The following ITGBL1 variants were observed in gnomAD, a reference collection of about 807,000 sequenced individuals.
ITGBL1 encodes the protein integrin beta-like protein 1.
ITGBL1 carries 51 observed loss-of-function variants against 68.5 expected under a neutral mutation model. That is an observed-to-expected ratio of 0.74 (90% confidence interval 0.59 to 0.94). ITGBL1 has a LOEUF of 0.94. ITGBL1 is among the 40% of genes least tolerant of loss of function. ITGBL1 has a pLI of 0.00. For missense variants in ITGBL1, 649 were observed against 647.4 expected, an observed-to-expected ratio of 1.00 and a Z score of -0.03; for synonymous variants, 209 against 227.3, an observed-to-expected ratio of 0.92 and a Z score of 0.72.
intron 7 of ITGBL1, among the ~76,000 whole-genome samples, chr13:101,689,475 C>T (rs935239480): frequency 2.6e-5 from 4 of 151,746 alleles, no homozygotes; most frequent in East Asian, 2.0e-4. Context: ...TAGCCAGGCA[C>T]GTGCCTGTAG....
chr13:101,481,223 G>T (rs4614574), intron 2 of ITGBL1, among the ~76,000 whole-genome samples: 29,001 of 151,000 alleles, frequency 0.19, 3,339 homozygotes, highest in East Asian at 0.43. Context: ...CCCTTGGCAG[G>T]CAATGTGAGC....
chr13:101,564,565 A>G (rs2050151891), intron 2 of ITGBL1, among the ~76,000 whole-genome samples: 1 of 150,364 alleles, frequency 6.7e-6, no homozygotes, highest in Non-Finnish European at 1.5e-5. Context: ...AATATATAAC[A>G]ATTTATGTAC....
chr13:101,605,951 TAC>T (rs2030809372), intron 7 of ITGBL1, among the ~76,000 whole-genome samples: 3 of 148,194 alleles, frequency 2.0e-5, no homozygotes, highest in Admixed American at 1.4e-4. Flanking sequence ...TGTGTATATA[TAC>T]ACATATACAC....
chr13:101,494,360 T>G (rs966677541), intron 2 of ITGBL1, among the ~76,000 whole-genome samples: 2 of 152,234 alleles, frequency 1.3e-5, no homozygotes, highest in African/African-American at 2.4e-5. Flanking sequence ...ATTCCTTGAT[T>G]AACAAATCTT....
chr13:101,480,245 T>A (rs2139036489), intron 2 of ITGBL1, among the ~76,000 whole-genome samples: 1 of 152,142 alleles, frequency 6.6e-6, no homozygotes, highest in African/African-American at 2.4e-5. Context: ...ATGTCCTCAC[T>A]AAGTTGTGGG....
chr13:101,715,383 G>A (rs1401105385), intron 10 of ITGBL1, 180 bp from the exon 11 acceptor site: 2 of 588,322 alleles, frequency 3.4e-6, no homozygotes, highest in East Asian at 2.9e-5. Flanking sequence ...CTAATTGTTT[G>A]AAAGATTAGA....
chr13:101,565,873 C>G (rs1032700972), intron 2 of ITGBL1, among the ~76,000 whole-genome samples: 1 of 151,972 alleles, frequency 6.6e-6, no homozygotes, highest in Non-Finnish European at 1.5e-5. Context: ...GTCATTGGGT[C>G]AATTTGGAAG....
intron 2 of ITGBL1, among the ~76,000 whole-genome samples, chr13:101,496,470 T>G (rs1221539037): frequency 2.0e-5 from 3 of 152,304 alleles, no homozygotes; most frequent in Non-Finnish European, 4.4e-5. Context: ...TAATTGTGCT[T>G]GTGCTTGCAT....
intron 8 of ITGBL1, among the ~76,000 whole-genome samples, chr13:101,694,579 A>G (rs902993717): frequency 1.3e-5 from 2 of 151,498 alleles, no homozygotes; most frequent in African/African-American, 4.9e-5. Flanking sequence ...ACATACCACC[A>G]CAGCTGGCTA....
chr13:101,649,216 T>C (rs1327446947), intron 7 of ITGBL1, among the ~76,000 whole-genome samples: 1 of 152,206 alleles, frequency 6.6e-6, no homozygotes, highest in Non-Finnish European at 1.5e-5. Flanking sequence ...TCTGTTTCTC[T>C]GATTCATATT....
At chr13:101,647,418 TA>T (rs2032595337) in intron 7 of ITGBL1, among the ~76,000 whole-genome samples, 2 of 152,214 alleles carry the variant, frequency 1.3e-5, no homozygotes, top group South Asian at 4.1e-4. Flanking sequence ...AGTTTCTTTT[TA>T]TGATGAAATA....
At chr13:101,538,669 A>G (rs1317864608) in intron 2 of ITGBL1, among the ~76,000 whole-genome samples, 1 of 152,180 alleles carries the variant, frequency 6.6e-6, no homozygotes, top group Non-Finnish European at 1.5e-5. Flanking sequence ...ATTTTACAAA[A>G]TTAAAAAGAA....
At chr13:101,534,475 T>C (rs1017500686) in intron 2 of ITGBL1, among the ~76,000 whole-genome samples, 3 of 151,994 alleles carry the variant, frequency 2.0e-5, no homozygotes, top group African/African-American at 7.2e-5. Flanking sequence ...GAAGAAGGAC[T>C]CCAAGATTCA....
chr13:101,562,303 A>G (rs1201693266), intron 2 of ITGBL1, among the ~76,000 whole-genome samples: 8 of 152,090 alleles, frequency 5.3e-5, no homozygotes, highest in Admixed American at 5.2e-4. Context: ...AAAGCTAATA[A>G]AAATTGCTTA....
chr13:101,487,635 C>T (rs2048719394), intron 2 of ITGBL1, among the ~76,000 whole-genome samples: 1 of 152,168 alleles, frequency 6.6e-6, no homozygotes, highest in South Asian at 2.1e-4. Flanking sequence ...TTCTGCAATA[C>T]AGTTTCCTAA....
intron 2 of ITGBL1, among the ~76,000 whole-genome samples, chr13:101,456,371 C>T (rs1419107724): frequency 6.6e-6 from 1 of 152,174 alleles, no homozygotes; most frequent in Non-Finnish European, 1.5e-5. Context: ...GGCTGCCTTG[C>T]GAGCCCGTCG....
At chr13:101,665,619 G>A (rs1019418361) in intron 7 of ITGBL1, among the ~76,000 whole-genome samples, 1 of 151,928 alleles carries the variant, frequency 6.6e-6, no homozygotes, top group African/African-American at 2.4e-5. Flanking sequence ...TTGCTTTGGG[G>A]CAATTAGCTA....
chr13:101,690,323 A>G (rs1429808907), intron 7 of ITGBL1, among the ~76,000 whole-genome samples: 1 of 152,226 alleles, frequency 6.6e-6, no homozygotes, highest in Admixed American at 6.5e-5. Flanking sequence ...TTTTCTGAAG[A>G]GGCACAGAAG....
Position 101,465,247 on chromosome 13 carries a change from A to G in ITGBL1, c.316+11147A>G, listed in dbSNP as rs150625768. On this transcript the variant is annotated intron_variant, in intron 2 of 10. Transcript: ENST00000376180. ...CTTATGACTAATATATTTTAATGCT[A>G]TATACATTTTTGTGGAGTATTTGGA... Among the ~76,000 whole-genome samples the G allele has an allele frequency of 5.9e-5, 9 of 152,310 alleles. No individual in the cohort carries two copies. The East Asian group carries it at 1.7e-3, about 29-fold the overall frequency.
Sources: allele counts gnomAD v4.1 joint callset (sites outside exome capture counted in the v4.1 genomes callset), GRCh38; gene constraint gnomAD v4.1.1; transcripts MANE v1.5; gene names NCBI Gene and HGNC (gene_info 2026-07-23, HGNC 2026-07-21).